MICU2: variants seen among roughly 807,000 people sequenced by gnomAD.
MICU2 encodes the protein mitochondrial calcium uptake 2.
In MICU2, 64 loss-of-function variants were observed where a neutral mutation model predicts 60.4. The ratio of observed to expected loss-of-function variants is 1.06; its 90% CI spans 0.87 to 1.31. The LOEUF is 1.31. Among genes scored for constraint, MICU2 ranks in the 50% most tolerant of loss-of-function variants. The pLI is 0.00. For synonymous variants in MICU2, 201 were observed against 175.0 expected (o/e 1.15, Z -1.17); for missense variants, 569 against 531.0 (o/e 1.07, Z -0.70).
chr13:21,540,458 A>G (rs924161324), intron 2 of MICU2, among the ~76,000 whole-genome samples: 1 of 152,222 alleles, frequency 6.6e-6, no homozygotes, highest in Non-Finnish European at 1.5e-5. Flanking sequence ...AAGTTCCTTC[A>G]GCACAATTAC....
chr13:21,593,009 C>G (rs1888615940), intron 1 of MICU2, among the ~76,000 whole-genome samples: 2 of 152,198 alleles, frequency 1.3e-5, no homozygotes, highest in African/African-American at 4.8e-5. Context: ...ACTGGAAGTT[C>G]TGGCCAGGGC....
intron 4 of MICU2, among the ~76,000 whole-genome samples, chr13:21,538,128 A>G (rs929625287): frequency 6.6e-6 from 1 of 151,926 alleles, no homozygotes; most frequent in Non-Finnish European, 1.5e-5. Context: ...GTTCATGACC[A>G]TGTCTCTCAA....
intron 9 of MICU2, among the ~76,000 whole-genome samples, chr13:21,500,652 TGA>T (rs1183127497): frequency 1.3e-5 from 2 of 151,772 alleles, no homozygotes; most frequent in Non-Finnish European, 2.9e-5. Context: ...CTCCTGACCT[TGA>T]GAGAGCCACC....
rs1458271308 is a variant in MICU2 at position 21,539,501 on chromosome 13, C to T, written c.391-124G>A. 111 of 1,283,978 alleles carry T rather than the reference C, an allele frequency of 8.6e-5. 1 individual carries two copies. The South Asian group carries it at 1.0e-3, about 12-fold the overall frequency. 79.5% of individuals were successfully genotyped at this position (1,283,978 alleles called of 1,614,324 possible). A position where few individuals can be genotyped will look rare whatever the true frequency, so the allele number is the denominator to read the frequency against. ...TATTTTTAGTAGACACAGGGCTTCA[C>T]TGTGTTAGCCAGGATGGTGATCTCC... On this transcript the variant is annotated intron_variant, in intron 3 of 11. Transcript: ENST00000382374.
At position 21,522,594 on chromosome 13, in the gene MICU2, G is replaced by C; in HGVS notation, c.514+9C>G. The C allele has an allele frequency of 6.3e-7, 1 of 1,591,382 alleles. No homozygotes were observed. The highest frequency in any genetic ancestry group is 8.6e-7 in the Non-Finnish European group (1 of 1,168,250). ...ACATGATCTCTGAGAAAAACTGTGGGATACTTACTAGTGAGGATTGTAAGC... is the reference window on the plus strand; with the variant it reads ...ACATGATCTCTGAGAAAAACTGTGGCATACTTACTAGTGAGGATTGTAAGC... On this transcript the variant is annotated intron_variant, in intron 5 of 11. Coordinates refer to ENST00000382374, the MANE Select transcript of MICU2 (RefSeq NM_152726.3).
intron 4 of MICU2, among the ~76,000 whole-genome samples, chr13:21,538,944 A>G (rs1399755494): frequency 6.6e-6 from 1 of 151,978 alleles, no homozygotes; most frequent in African/African-American, 2.4e-5. Flanking sequence ...TTTTTCTTTA[A>G]CACTTTCTCT....
chr13:21,570,204 A>G lies in MICU2; in HGVS notation c.211-3260T>C, dbSNP rs140068466. On this transcript the variant is annotated intron_variant, in intron 1 of 11. Transcript: ENST00000382374. ...CTACAACAAAATTTATGTAAAGGAA[A>G]AAACATGTATTGTTCTGAAATTACC... 1.4e-4 allele frequency among the ~76,000 whole-genome samples: 22 copies of G among 152,334 alleles called. No individual in the cohort carries two copies. In the East Asian group the frequency reaches 4.1e-3, roughly 28 times the overall value.
rs1207582125 is a variant in MICU2, at chr13:21,522,710, C to T, written c.467-60G>A. 15 of 1,198,946 alleles carry T rather than the reference C, an allele frequency of 1.3e-5. No homozygotes were observed. In the Admixed American group the frequency reaches 2.3e-4, roughly 18 times the overall value. 74.3% of individuals were successfully genotyped at this position (1,198,946 alleles called of 1,614,324 possible). ...TTAGATGGTTTAGAATATATAGAGA[C>T]ATTAACATTGAAATTTCACCTAATT... On this transcript the variant is annotated intron_variant, in intron 4 of 11. Coordinates refer to ENST00000382374, the MANE Select transcript of MICU2 (RefSeq NM_152726.3).
At chr13:21,536,826 T>G (rs77915626) in intron 4 of MICU2, among the ~76,000 whole-genome samples, 3,106 of 152,336 alleles carry the variant, frequency 0.02, 42 homozygotes, top group Middle Eastern at 0.041. Flanking sequence ...TTTTCTACAC[T>G]TATAAAATAA....
Position 21,590,863 on chromosome 13 carries a change from AAAAC to A in MICU2, c.210+13072_210+13075del, listed in dbSNP as rs1289487087. On this transcript the variant is annotated intron_variant, in intron 1 of 11. Coordinates refer to ENST00000382374, the MANE Select transcript of MICU2 (RefSeq NM_152726.3). ...AGCGAGACTCTGTCTCAAAAAACAC[AAAAC>A]AAACAAACAAAAAGAAGCACTAAAT... Among the ~76,000 whole-genome samples, 7 of 152,174 alleles carry A rather than the reference AAAAC, an allele frequency of 4.6e-5. No homozygotes were observed. In the South Asian group the frequency reaches 8.3e-4, roughly 18 times the overall value.
intron 6 of MICU2, among the ~76,000 whole-genome samples, chr13:21,520,262 T>C (rs1886683957): frequency 6.6e-6 from 1 of 152,224 alleles, no homozygotes; most frequent in Non-Finnish European, 1.5e-5. Flanking sequence ...CAACTATGCA[T>C]ATTAATATAC....
intron 1 of MICU2, among the ~76,000 whole-genome samples, chr13:21,592,833 C>T (rs898822653): frequency 2.0e-5 from 3 of 152,196 alleles, no homozygotes; most frequent in Non-Finnish European, 4.4e-5. Flanking sequence ...TGTTTAAAAA[C>T]TCTCAATAAA....
Position 21,495,209 on chromosome 13 carries a change from A to C in MICU2, c.1152T>G (p.His384Gln). 3.7e-6 allele frequency: 6 copies of C among 1,612,806 alleles called. No homozygotes were observed. Among genetic ancestry groups the C allele is most frequent in the African/African-American group, 1.3e-5 (1 of 74,974 alleles). Residue 384 changes from histidine to glutamine, a missense_variant, in exon 11 of 12, where the codon CAT becomes CAG. Coordinates refer to ENST00000382374, the MANE Select transcript of MICU2 (RefSeq NM_152726.3). ...FDLDGDECLS[H>Q]EEFLGVLKNR... ...TTTTTAACACCCCAAGAAACTCTTCATGACTAAGACATTCATCACCATCCA... is the reference window on the plus strand; with the variant it reads ...TTTTTAACACCCCAAGAAACTCTTCCTGACTAAGACATTCATCACCATCCA...
intron 2 of MICU2, among the ~76,000 whole-genome samples, chr13:21,557,278 C>G (rs1301673660): frequency 6.6e-6 from 1 of 151,962 alleles, no homozygotes; most frequent in African/African-American, 2.4e-5. Flanking sequence ...ATGAAGGTCA[C>G]TGGAAATGAA....
chr13:21,547,666 T>G (rs1887447656), intron 2 of MICU2, among the ~76,000 whole-genome samples: 1 of 152,138 alleles, frequency 6.6e-6, no homozygotes, highest in South Asian at 2.1e-4. Flanking sequence ...ACGAGTCTAT[T>G]TGACTAACAT....
At chr13:21,557,097 T>A (rs764163450) in intron 2 of MICU2, among the ~76,000 whole-genome samples, 1 of 152,112 alleles carries the variant, frequency 6.6e-6, no homozygotes, top group African/African-American at 2.4e-5. Flanking sequence ...TTGGGAATGA[T>A]GGGATAGTTG....
Position 21,550,262 on chromosome 13 carries a change from G to A in MICU2, c.359-10574C>T, listed in dbSNP as rs558198082. 4.0e-4 allele frequency among the ~76,000 whole-genome samples: 61 copies of A among 152,268 alleles called. No individual in the cohort carries two copies. In the South Asian group the frequency reaches 5.0e-3, roughly 12 times the overall value. The stretch of plus-strand genomic sequence containing the variant: ...TACACTTAAAAATACTTACTGCCAG[G>A]TATGGTGGCTCACACCTATAATCCA... On this transcript the variant is annotated intron_variant, in intron 2 of 11. Transcript: ENST00000382374.
At chr13:21,554,328 C>G (rs550986610) in intron 2 of MICU2, among the ~76,000 whole-genome samples, 1 of 152,322 alleles carries the variant, frequency 6.6e-6, no homozygotes, top group Admixed American at 6.5e-5. Flanking sequence ...TTATAACAAA[C>G]TGTCTCTCAG....
At chr13:21,578,943 G>C (rs1888286196) in intron 1 of MICU2, among the ~76,000 whole-genome samples, 1 of 152,216 alleles carries the variant, frequency 6.6e-6, no homozygotes, top group Admixed American at 6.5e-5. Context: ...AGAATGCTCT[G>C]AAACTGGATT....
Sources: gnomAD v4.1 joint callset for allele counts (sites outside exome capture counted in the v4.1 genomes callset) on GRCh38, gnomAD v4.1.1 for gene constraint, MANE v1.5 for transcripts, NCBI Gene and HGNC (gene_info 2026-07-23, HGNC 2026-07-21) for gene names.